Variants in AMOT observed in about 807,000 individuals in gnomAD.
The protein encoded by AMOT is angiomotin.
AMOT carries 11 observed loss-of-function variants against 67.0 expected under a neutral mutation model. The ratio of observed to expected loss-of-function variants is 0.16; its 90% confidence interval spans 0.10 to 0.27. The LOEUF (loss-of-function observed/expected upper bound fraction) is 0.27, where lower values mean the gene tolerates loss of function less well. Ranked by LOEUF, AMOT falls within the 10% of genes least tolerant of loss-of-function variation. The probability of loss-of-function intolerance (pLI) is 1.00; values close to 1 mark genes in which losing one functional copy is unlikely to be tolerated. For missense variants in AMOT, 753 were observed against 852.0 expected (o/e 0.88, Z 1.45); for synonymous variants, 326 against 321.4 (o/e 1.01, Z -0.15).
intron 10 of AMOT, among the ~76,000 whole-genome samples, chrX:112,789,114 A>G (rs904160459): frequency 2.7e-5 from 3 of 111,990 alleles, no homozygotes; most frequent in Non-Finnish European, 5.6e-5. Flanking sequence ...CGTGACCTGT[A>G]TGTTTCTAAG....
chrX:112,791,862 C>T lies in AMOT; in HGVS notation c.1896G>A (p.Glu632=). The change falls in exon 9 of 14, where the codon GAG becomes GAA. Residue 632 remains glutamate, a synonymous_variant. Coordinates refer to ENST00000371959, the MANE Select transcript of AMOT (RefSeq NM_001113490.2). The stretch of plus-strand genomic sequence containing the variant: ...GGATTCTCAGGGATTCCAGTTCCCT[C>T]TCCAGTCGTGTCCGGAGACGGTGCT... ...QLEHRLRTRL[E]RELESLRIQQ... 1 of 1,211,997 alleles carries T rather than the reference C, an allele frequency of 8.3e-7. No homozygotes were observed. The highest frequency in any genetic ancestry group is 1.1e-6 in the Non-Finnish European group (1 of 895,561).
chrX:112,806,227 A>T (rs924204566), intron 7 of AMOT, among the ~76,000 whole-genome samples: 3 of 108,322 alleles, frequency 2.8e-5, no homozygotes, highest in Admixed American at 2.0e-4. Context: ...AGATAGCACC[A>T]CTGCACTCCA....
chrX:112,832,648 T>C (rs1935020914), intron 1 of AMOT, among the ~76,000 whole-genome samples: 1 of 112,221 alleles, frequency 8.9e-6, no homozygotes, highest in Non-Finnish European at 1.9e-5. Flanking sequence ...AACAGTATCT[T>C]GAGCAAGTGA....
intron 7 of AMOT, among the ~76,000 whole-genome samples, chrX:112,807,293 C>T (rs776465944): frequency 6.3e-5 from 7 of 110,633 alleles, no homozygotes; most frequent in South Asian, 4.0e-4. Context: ...AGGTCTAGAG[C>T]ACTTCCCTTT....
At chrX:112,790,305 G>A (rs1432550812) in intron 10 of AMOT, among the ~76,000 whole-genome samples, 1 of 109,665 alleles carries the variant, frequency 9.1e-6, no homozygotes, top group African/African-American at 3.3e-5. Context: ...TGGCTCTGGG[G>A]AAGGAGGGGT....
intron 2 of AMOT, among the ~76,000 whole-genome samples, chrX:112,825,486 C>T (rs1251631118): frequency 9.0e-6 from 1 of 111,279 alleles, no homozygotes; most frequent in Non-Finnish European, 1.9e-5. Flanking sequence ...ACCTCACAGC[C>T]CTAGAAAGCT....
At chrX:112,828,726 A>C (rs1228815652) in intron 2 of AMOT, among the ~76,000 whole-genome samples, 1 of 111,702 alleles carries the variant, frequency 9.0e-6, no homozygotes, top group African/African-American at 3.3e-5. Context: ...CCAGGACCAA[A>C]ATGAAAGTTT....
intron 10 of AMOT, among the ~76,000 whole-genome samples, chrX:112,790,055 C>T (rs1037512610): frequency 3.0e-5 from 3 of 101,672 alleles, no homozygotes; most frequent in Admixed American, 1.2e-4. Context: ...GAAATGTGAC[C>T]GCTCACGCAC....
At chrX:112,788,137 A>G (rs1933436382) in intron 10 of AMOT, among the ~76,000 whole-genome samples, 1 of 109,951 alleles carries the variant, frequency 9.1e-6, no homozygotes, top group Admixed American at 9.8e-5. Flanking sequence ...AAAATACAAA[A>G]AATTAGCCAG....
At chrX:112,800,554 T>C (rs1933982481) in intron 8 of AMOT, among the ~76,000 whole-genome samples, 1 of 112,570 alleles carries the variant, frequency 8.9e-6, no homozygotes, top group Admixed American at 9.4e-5. Flanking sequence ...TTGAAAATTA[T>C]TTTGGAGTAT....
intron 1 of AMOT, among the ~76,000 whole-genome samples, chrX:112,839,030 C>A (rs1185310254): frequency 8.9e-6 from 1 of 112,496 alleles, no homozygotes; most frequent in African/African-American, 3.2e-5. Context: ...TCCCTCCCAG[C>A]TGATCTGAAA....
At chrX:112,814,215 T>C (rs1395842180) in intron 5 of AMOT, among the ~76,000 whole-genome samples, 1 of 106,080 alleles carries the variant, frequency 9.4e-6, no homozygotes, top group South Asian at 4.2e-4. Context: ...GAAGTTGCAG[T>C]GAGTGGAGAT....
At chrX:112,805,132 T>A (rs1934133548) in intron 7 of AMOT, 40 bp from the exon 8 acceptor site, 1 of 1,204,850 alleles carries the variant, frequency 8.3e-7, no homozygotes, top group African/African-American at 1.8e-5. Flanking sequence ...AGCCTGGAGC[T>A]AGCTCAAAGC....
At chrX:112,803,100 G>T (rs977208958) in intron 8 of AMOT, among the ~76,000 whole-genome samples, 5 of 111,360 alleles carry the variant, frequency 4.5e-5, no homozygotes, top group African/African-American at 1.3e-4. Flanking sequence ...GAAAAGAAAG[G>T]CCCGACGAGT....
rs1400277970 is a variant in AMOT, at chrX:112,810,063, A to T, written c.1538-77T>A. 7 of 824,062 alleles carry T rather than the reference A, an allele frequency of 8.5e-6. No homozygotes were observed. In the Admixed American group the frequency reaches 1.5e-4, roughly 17 times the overall value. 67.9% of individuals were successfully genotyped at this position (824,062 alleles called of 1,213,427 possible). ...CATACTATTGGCCCTCTAAATACTG[A>T]CCTTTGGTAAAACAAGCCTGTTTCT... On this transcript the variant is annotated intron_variant, in intron 6 of 13. Transcript: ENST00000371959.
At chrX:112,792,978 A>G (rs1200363607) in intron 8 of AMOT, among the ~76,000 whole-genome samples, 2 of 87,600 alleles carry the variant, frequency 2.3e-5, no homozygotes, top group Non-Finnish European at 4.4e-5. Context: ...GAAGATATAT[A>G]TCTTCTTCTT....
At chrX:112,798,450 C>T (rs767491502) in intron 8 of AMOT, among the ~76,000 whole-genome samples, 2 of 112,288 alleles carry the variant, frequency 1.8e-5, no homozygotes, top group South Asian at 3.7e-4. Flanking sequence ...AGGGATGTAG[C>T]GGGAAACAAG....
intron 7 of AMOT, among the ~76,000 whole-genome samples, chrX:112,806,339 TA>T (rs1304104176): frequency 1.0e-5 from 1 of 98,328 alleles, no homozygotes; most frequent in Non-Finnish European, 2.0e-5. Context: ...TACATATGTA[TA>T]TATACATATG....
chrX:112,784,069 G>T (rs1360994864), intron 10 of AMOT, among the ~76,000 whole-genome samples: 1 of 112,137 alleles, frequency 8.9e-6, no homozygotes, highest in Admixed American at 9.5e-5. Flanking sequence ...TTTATGGAAT[G>T]ATGAAATAAT....
Sources: allele counts gnomAD v4.1 joint callset (sites outside exome capture counted in the v4.1 genomes callset), GRCh38; gene constraint gnomAD v4.1.1; transcripts MANE v1.5; gene names NCBI Gene and HGNC (gene_info 2026-07-23, HGNC 2026-07-21).